Variants in LIMK1 observed in about 807,000 individuals in gnomAD.
LIMK1 encodes the protein LIM domain kinase 1, also known as LIM motif-containing protein kinase.
A neutral mutation model predicts 77.6 loss-of-function variants in LIMK1; 21 were observed. That is an observed-to-expected ratio of 0.27 (90% CI 0.19 to 0.39). LIMK1 has a LOEUF of 0.39. Among genes scored for constraint, LIMK1 ranks in the 10% least tolerant of loss-of-function variants. The pLI, the probability that LIMK1 is intolerant of heterozygous loss-of-function variation, is 1.00. For synonymous variants in LIMK1, 358 were observed against 370.0 expected, an observed-to-expected ratio of 0.97 and a Z score of 0.37; for missense variants, 696 against 901.6, an observed-to-expected ratio of 0.77 and a Z score of 2.92.
Position 74,121,943 on chromosome 7 carries a change from T to A in LIMK1, c.*642T>A, listed in dbSNP as rs1226901591. On this transcript the variant is annotated 3_prime_UTR_variant, in exon 16 of 16. Transcript: ENST00000336180. The stretch of plus-strand genomic sequence containing the variant: ...CCTTCTCTCGCTTTGGGTCTTTTTT[T>A]TGTTTCTTTCTTAAAGCCACTTTAG... 1 of 152,748 alleles carries A rather than the reference T, an allele frequency of 6.5e-6. No individual in the cohort carries two copies. Among genetic ancestry groups the A allele is most frequent in the Non-Finnish European group, 1.5e-5 (1 of 68,088 alleles). 9.5% of individuals were successfully genotyped at this position (152,748 alleles called of 1,614,324 possible).
At chr7:74,102,825 CCATGATCAACATTGCATTTAATCGT>C (rs1799493645) in intron 5 of LIMK1, among the ~76,000 whole-genome samples, 1 of 151,778 alleles carries the variant, frequency 6.6e-6, no homozygotes, top group South Asian at 2.1e-4. Context: ...ACAGTCCAGT[CCATGATCAACATTGCATTTAATCGT>C]CATGTGTCAT....
chr7:74,110,934 T>G (rs1237921306), intron 10 of LIMK1: 6 of 152,220 alleles, frequency 3.9e-5, no homozygotes, highest in Admixed American at 3.9e-4. Context: ...TCAGTTCTGT[T>G]AGGAAATAAT....
chr7:74,116,117 G>A (rs770520187), intron 13 of LIMK1, among the ~76,000 whole-genome samples, 159 bp downstream of exon 13: 2 of 152,192 alleles, frequency 1.3e-5, no homozygotes, highest in Non-Finnish European at 2.9e-5. Flanking sequence ...GTGGCAGCCA[G>A]GCACGGTGGC....
At chr7:74,097,228 C>T (rs1563915155) in intron 4 of LIMK1, 39 bp downstream of exon 4, 2 of 1,350,674 alleles carry the variant, frequency 1.5e-6, no homozygotes, top group Non-Finnish European at 2.1e-6. Flanking sequence ...AGGAGGCCCA[C>T]CTGTGTCACA....
chr7:74,089,229 G>A (rs1799193122), intron 2 of LIMK1, among the ~76,000 whole-genome samples: 1 of 152,106 alleles, frequency 6.6e-6, no homozygotes, highest in Non-Finnish European at 1.5e-5. Flanking sequence ...GGAAAGGCAG[G>A]GGCTGGCGGT....
chr7:74,095,916 C>T (rs1165627260), intron 2 of LIMK1, among the ~76,000 whole-genome samples: 3 of 151,510 alleles, frequency 2.0e-5, no homozygotes, highest in Non-Finnish European at 2.9e-5. Flanking sequence ...ACAGGCGAAC[C>T]GTGGCTTTGA....
intron 8 of LIMK1, 100 bp downstream of exon 8, chr7:74,107,293 T>C: frequency 7.6e-7 from 1 of 1,309,158 alleles, no homozygotes; most frequent in Admixed American, 2.5e-5. Context: ...GGTATCTGGC[T>C]TCCAGACTCC....
intron 2 of LIMK1, among the ~76,000 whole-genome samples, chr7:74,093,741 C>T (rs1428909639): frequency 5.9e-5 from 9 of 152,202 alleles, no homozygotes; most frequent in Admixed American, 5.2e-4. Flanking sequence ...ATGGCTCTCC[C>T]CCGAGGGAGT....
At chr7:74,116,363 G>A (rs1428068180) in intron 13 of LIMK1, among the ~76,000 whole-genome samples, 15 of 152,132 alleles carry the variant, frequency 9.9e-5, no homozygotes, top group African/African-American at 3.4e-4. Context: ...GCAGTGAGCC[G>A]AGATCGCGCC....
chr7:74,092,445 G>A (rs1345538329), intron 2 of LIMK1, among the ~76,000 whole-genome samples: 2 of 152,170 alleles, frequency 1.3e-5, no homozygotes, highest in East Asian at 3.9e-4. Context: ...TTGTAGAGTG[G>A]GACAATTGCT....
At chr7:74,095,246 TC>T (rs1799315648) in intron 2 of LIMK1, among the ~76,000 whole-genome samples, 1 of 152,068 alleles carries the variant, frequency 6.6e-6, no homozygotes, top group Admixed American at 6.5e-5. Flanking sequence ...GGTTCTTCTG[TC>T]CCTGTGTGAC....
rs782196710 is a variant in LIMK1, at chr7:74,109,011, C to T, written c.1259C>T (p.Thr420Met). Residue 420 changes from threonine (T) to methionine (M), a missense_variant, in exon 10 of 16, where the codon ACG becomes ATG. Transcript: ENST00000336180. ...ATCACTGAGTACATCAAGGGCGGCA[C>T]GCTCCGGGGCATCATCAAGAGCATG... The part of the protein sequence containing the change: ...NFITEYIKGG[T>M]LRGIIKSMDS... The T allele has an allele frequency of 6.8e-6, 11 of 1,613,882 alleles. No homozygotes were observed. Among genetic ancestry groups the T allele is most frequent in the Non-Finnish European group, 8.5e-6 (10 of 1,179,918 alleles).
At chr7:74,094,743 C>T (rs959945060) in intron 2 of LIMK1, among the ~76,000 whole-genome samples, 14 of 152,102 alleles carry the variant, frequency 9.2e-5, no homozygotes, top group Non-Finnish European at 1.3e-4. Flanking sequence ...GCCCCACCCC[C>T]GCGGTGATCC....
In LIMK1 at chr7:74,107,178, C is replaced by T. The variant is rs782786743; in HGVS notation, c.1050C>T (p.Phe350=). Residue 350 remains phenylalanine (F), a synonymous_variant, in exon 8 of 16, where the codon TTC becomes TTT. Transcript: ENST00000336180. ...GGGAGGTGCTGGGCAAGGGCTGCTT[C>T]GGCCAGGCTATCAAGGTACAGAGCA... is the stretch of plus-strand genomic sequence containing the variant. ...IHGEVLGKGC[F]GQAIKVTHRE... 8.1e-6 allele frequency: 13 copies of T among 1,610,470 alleles called. No individual in the cohort carries two copies. Among genetic ancestry groups the T allele is most frequent in the Middle Eastern group, 1.6e-4 (1 of 6,070 alleles).
chr7:74,103,989 C>T (rs1252469307), intron 5 of LIMK1, among the ~76,000 whole-genome samples: 1 of 151,984 alleles, frequency 6.6e-6, no homozygotes, highest in Non-Finnish European at 1.5e-5. Context: ...GGTGAGGTCT[C>T]ACTATTTTGC....
intron 8 of LIMK1, among the ~76,000 whole-genome samples, 192 bp from the exon 9 acceptor site, chr7:74,107,679 C>CAA (rs11321792): frequency 1.0e-3 from 126 of 126,488 alleles, no homozygotes; most frequent in African/African-American, 3.7e-3. Context: ...GACCCCATCT[C>CAA]AAAAAAAAAA....
intron 9 of LIMK1, among the ~76,000 whole-genome samples, chr7:74,108,647 CAAAA>C (rs1310123718): frequency 9.1e-5 from 8 of 87,890 alleles, no homozygotes; most frequent in Non-Finnish European, 4.7e-5. Flanking sequence ...GACTCCTTCT[CAAAA>C]AAAAAAAAAA....
intron 2 of LIMK1, among the ~76,000 whole-genome samples, chr7:74,095,238 T>C (rs1361216664): frequency 6.6e-6 from 1 of 152,070 alleles, no homozygotes; most frequent in Non-Finnish European, 1.5e-5. Flanking sequence ...TGGAGCCTGG[T>C]TCTTCTGTCC....
intron 5 of LIMK1, among the ~76,000 whole-genome samples, chr7:74,100,164 C>G (rs1214665668): frequency 6.6e-6 from 1 of 151,982 alleles, no homozygotes; most frequent in Admixed American, 6.6e-5. Context: ...CTCTTGAGCC[C>G]AGGAAGTGGC....
Sources: allele counts gnomAD v4.1 joint callset (sites outside exome capture counted in the v4.1 genomes callset), GRCh38; gene constraint gnomAD v4.1.1; transcripts MANE v1.5; gene names NCBI Gene and HGNC (gene_info 2026-07-23, HGNC 2026-07-21).